Variants in CYP2C19 observed in about 807,000 individuals in gnomAD.
CYP2C19 encodes cytochrome P450 2C19.
In CYP2C19, 59 loss-of-function variants were observed where a neutral mutation model predicts 40.9. The observed-to-expected ratio is 1.44, with a 90% confidence interval of 1.17 to 1.79. The LOEUF (loss-of-function observed/expected upper bound fraction) is 1.79. CYP2C19 is among the 40% of genes most tolerant of loss of function. CYP2C19 has a pLI of 0.00. For missense variants in CYP2C19, 754 were observed against 596.9 expected, an observed-to-expected ratio of 1.26 and a Z score of -2.74; for synonymous variants, 253 against 208.7, an observed-to-expected ratio of 1.21 and a Z score of -1.83.
At chr10:94,814,989 C>G (rs1848979621) in intron 5 of CYP2C19, among the ~76,000 whole-genome samples, 1 of 138,404 alleles carries the variant, frequency 7.2e-6, no homozygotes, top group Non-Finnish European at 1.5e-5. Context: ...GAATCTGTTT[C>G]TGAGGGTGAG....
chr10:94,825,106 G>A lies in CYP2C19; in HGVS notation c.961+4469G>A, dbSNP rs368584435. Among the ~76,000 whole-genome samples, 470 of 134,564 alleles carry A rather than the reference G, an allele frequency of 3.5e-3. 1 individual carries two copies. Among genetic ancestry groups the A allele is most frequent in the South Asian group, 7.5e-3 (28 of 3,714 alleles). The allele number at this position is 134,564 out of a possible 152,430, so 88.3% of individuals were successfully genotyped here. On this transcript the variant is annotated intron_variant, in intron 6 of 8. Coordinates refer to ENST00000371321, the MANE Select transcript of CYP2C19 (RefSeq NM_000769.4). The stretch of plus-strand genomic sequence containing the variant: ...AGTCTTTGCTATTGTGAATAATGCC[G>A]CAATAAACATACGTGTGCATGTGTC...
chr10:94,839,133 G>T (rs1461416502), intron 6 of CYP2C19, among the ~76,000 whole-genome samples: 2 of 152,092 alleles, frequency 1.3e-5, no homozygotes, highest in African/African-American at 4.8e-5. Context: ...CCTTTCCAGG[G>T]TGCATAACCA....
intron 8 of CYP2C19, 35 bp from the exon 9 acceptor site, chr10:94,852,698 G>A: frequency 1.3e-6 from 2 of 1,597,360 alleles, no homozygotes; most frequent in Non-Finnish European, 8.6e-7. Context: ...AGTTACACAT[G>A]AGGAGTAACT....
At chr10:94,798,294 T>C (rs1481555190) in intron 5 of CYP2C19, among the ~76,000 whole-genome samples, 3 of 152,094 alleles carry the variant, frequency 2.0e-5, no homozygotes, top group Non-Finnish European at 4.4e-5. Context: ...CAAGGGGTTG[T>C]GTGGTTTTGA....
At chr10:94,851,567 G>A (rs914785413) in intron 8 of CYP2C19, among the ~76,000 whole-genome samples, 5 of 152,046 alleles carry the variant, frequency 3.3e-5, no homozygotes, top group African/African-American at 1.2e-4. Flanking sequence ...CCAAGACTAG[G>A]CAACTGATAA....
chr10:94,806,702 A>G (rs1022586484), intron 5 of CYP2C19, among the ~76,000 whole-genome samples: 1 of 148,332 alleles, frequency 6.7e-6, no homozygotes, highest in Non-Finnish European at 1.5e-5. Context: ...ATAAATTTAT[A>G]TTATATAACA....
intron 5 of CYP2C19, among the ~76,000 whole-genome samples, chr10:94,818,287 C>T (rs1849045143): frequency 6.7e-6 from 1 of 148,840 alleles, no homozygotes; most frequent in Admixed American, 6.7e-5. Context: ...GTTTTGGTTA[C>T]TGTAGCCTTG....
chr10:94,847,214 C>T (rs951865057), intron 7 of CYP2C19, among the ~76,000 whole-genome samples: 1 of 152,120 alleles, frequency 6.6e-6, no homozygotes, highest in African/African-American at 2.4e-5. Flanking sequence ...TCTCCTAATG[C>T]TAACCCTCCT....
intron 6 of CYP2C19, among the ~76,000 whole-genome samples, chr10:94,829,320 T>C (rs1439484936): frequency 1.3e-5 from 2 of 152,210 alleles, no homozygotes; most frequent in Non-Finnish European, 2.9e-5. Flanking sequence ...GTAGATTTGG[T>C]CTTTTCACAT....
At chr10:94,831,353 T>C (rs963267996) in intron 6 of CYP2C19, among the ~76,000 whole-genome samples, 1 of 152,242 alleles carries the variant, frequency 6.6e-6, no homozygotes, top group Non-Finnish European at 1.5e-5. Flanking sequence ...AGTGCAGATG[T>C]CTCTTTGATA....
intron 3 of CYP2C19, 97 bp from the exon 4 acceptor site, chr10:94,780,402 T>G (rs1029871700): frequency 8.2e-6 from 12 of 1,468,972 alleles, no homozygotes; most frequent in African/African-American, 1.4e-5. Context: ...GGTAAGATAT[T>G]ACTTAAAATT....
intron 8 of CYP2C19, among the ~76,000 whole-genome samples, chr10:94,852,253 T>G (rs944659804): frequency 1.3e-5 from 2 of 152,080 alleles, no homozygotes; most frequent in Non-Finnish European, 2.9e-5. Flanking sequence ...GGGGGTAACA[T>G]GTTTAGACAT....
chr10:94,793,041 C>T (rs1175595062), intron 5 of CYP2C19, among the ~76,000 whole-genome samples: 2 of 152,100 alleles, frequency 1.3e-5, no homozygotes, highest in South Asian at 2.1e-4. Context: ...TTCTTAGAGG[C>T]TTTGTTCATT....
intron 3 of CYP2C19, among the ~76,000 whole-genome samples, chr10:94,777,644 A>G (rs1347672215): frequency 6.6e-6 from 1 of 152,158 alleles, no homozygotes. Context: ...CTTATAAAAA[A>G]ATTAACTCAA....
chr10:94,831,305 G>A (rs185160137), intron 6 of CYP2C19, among the ~76,000 whole-genome samples: 1 of 152,236 alleles, frequency 6.6e-6, no homozygotes, highest in Admixed American at 6.5e-5. Context: ...TTGTTTCAAA[G>A]TCTTAGCCAT....
At chr10:94,797,115 A>G (rs144109353) in intron 5 of CYP2C19, among the ~76,000 whole-genome samples, 1 of 152,028 alleles carries the variant, frequency 6.6e-6, no homozygotes, top group South Asian at 2.1e-4. Context: ...TCAGTATGAT[A>G]TTGGCTGTGC....
chr10:94,842,393 GTTTTT>G (rs57865512), intron 6 of CYP2C19, among the ~76,000 whole-genome samples: 1 of 86,944 alleles, frequency 1.2e-5, no homozygotes, highest in Non-Finnish European at 2.3e-5. Context: ...TTTAAGTGAA[GTTTTT>G]TTTTTTTTTT....
intron 5 of CYP2C19, among the ~76,000 whole-genome samples, chr10:94,799,906 C>CT (rs34983326): frequency 1.3e-5 from 2 of 152,000 alleles, no homozygotes; most frequent in African/African-American, 4.8e-5. Context: ...TTCATCTAAC[C>CT]TTTTTTTCAA....
intron 5 of CYP2C19, among the ~76,000 whole-genome samples, chr10:94,813,819 C>T (rs1014758856): frequency 2.6e-5 from 4 of 151,448 alleles, no homozygotes; most frequent in African/African-American, 9.7e-5. Context: ...GGTGTTACAG[C>T]ACCACTGGGG....
Sources: gnomAD v4.1 joint callset for allele counts (sites outside exome capture counted in the v4.1 genomes callset) on GRCh38, gnomAD v4.1.1 for gene constraint, MANE v1.5 for transcripts, NCBI Gene and HGNC (gene_info 2026-07-23, HGNC 2026-07-21) for gene names.